KIF21A: variants seen among roughly 807,000 people sequenced by gnomAD.
KIF21A encodes the protein kinesin family member 21A.
In KIF21A, 114 loss-of-function variants were observed where a neutral mutation model predicts 202.9. That is an observed-to-expected ratio of 0.56 (90% CI 0.48 to 0.66). KIF21A has a LOEUF of 0.66. Among genes scored for constraint, KIF21A ranks in the 30% least tolerant of loss-of-function variants. KIF21A has a pLI of 0.00. For missense variants in KIF21A, 1,677 were observed against 1,994.9 expected (o/e 0.84, Z 3.04); for synonymous variants, 667 against 670.8 (o/e 0.99, Z 0.09).
chr12:39,415,475 C>G (rs1051773110), intron 1 of KIF21A, among the ~76,000 whole-genome samples: 4 of 152,042 alleles, frequency 2.6e-5, no homozygotes, highest in Admixed American at 6.5e-5. Context: ...CTCCTCAACT[C>G]GTGATCTGCC....
In KIF21A at chr12:39,367,893, G is replaced by A; in HGVS notation, c.590C>T (p.Thr197Ile). ...TAATATAAATATTACCTCTGATTCT[G>A]TATTCACAGTACGTGTTGTAACGCC... ...TVGVTTRTVN[T>I]ESEMMQCLKL... Residue 197 changes from threonine (T) to isoleucine (I), a missense_variant, in exon 4 of 38, where the codon ACA (threonine) becomes ATA (isoleucine). Transcript: ENST00000361418. 1 of 1,607,436 alleles carries A rather than the reference G, an allele frequency of 6.2e-7. No homozygotes were observed. The highest frequency in any genetic ancestry group is 8.5e-7 in the Non-Finnish European group (1 of 1,174,540).
chr12:39,373,803 C>T (rs913708646), intron 1 of KIF21A, among the ~76,000 whole-genome samples: 9 of 152,218 alleles, frequency 5.9e-5, no homozygotes, highest in Non-Finnish European at 1.3e-4. Flanking sequence ...TTAACCTCTA[C>T]TCATCTGGTT....
chr12:39,326,390 C>T, intron 24 of KIF21A, 66 bp from the exon 25 acceptor site: 1 of 1,080,028 alleles, frequency 9.3e-7, no homozygotes, highest in Non-Finnish European at 1.4e-6. Context: ...GACTGCAATC[C>T]ATAGGCTGTA....
At chr12:39,402,120 T>C (rs1486155999) in intron 1 of KIF21A, among the ~76,000 whole-genome samples, 1 of 152,190 alleles carries the variant, frequency 6.6e-6, no homozygotes, top group African/African-American at 2.4e-5. Context: ...ATAATCTGGC[T>C]CTAAGATAAA....
At chr12:39,421,727 A>G (rs1267634393) in intron 1 of KIF21A, among the ~76,000 whole-genome samples, 1 of 130,874 alleles carries the variant, frequency 7.6e-6, no homozygotes, top group South Asian at 2.3e-4. Context: ...TATAATTTAT[A>G]TATATATATA....
chr12:39,330,901 G>A lies in KIF21A; in HGVS notation c.3164C>T (p.Ala1055Val), dbSNP rs773694301. 8 of 1,613,908 alleles carry A rather than the reference G, an allele frequency of 5.0e-6. No homozygotes were observed. The highest frequency in any genetic ancestry group is 5.9e-6 in the Non-Finnish European group (7 of 1,179,864). Reference sequence around the variant, plus strand: ...TTTAATTTGAGCCTCTTTCTGGGCAGCCTGAAGACCCTGAAACACAACAAA... The same window carrying A: ...TTTAATTTGAGCCTCTTTCTGGGCAACCTGAAGACCCTGAAACACAACAAA... The part of the protein sequence containing the change: ...LSMGINKGLQ[A>V]AQKEAQIKVL... The change falls in exon 23 of 38, where the codon GCT (alanine) becomes GTT (valine). Residue 1055 changes from alanine (A) to valine (V), a missense_variant. Physicochemically the swap from Ala to Val is moderately conservative, Grantham distance 64. Around this residue, in one of 3 missense-constraint regions of KIF21A, gnomAD observed 705 missense variants for 791.9 expected, o/e 0.89. Coordinates refer to ENST00000361418, the MANE Select transcript of KIF21A (RefSeq NM_001173464.2).
intron 25 of KIF21A, 137 bp downstream of exon 25, chr12:39,326,127 T>G: frequency 1.3e-6 from 1 of 757,150 alleles, no homozygotes; most frequent in Non-Finnish European, 2.3e-6. Flanking sequence ...TTGGTTTCTA[T>G]TTACTGTTTC....
At chr12:39,315,346 A>T (rs1944418710) in intron 30 of KIF21A, 106 bp from the exon 31 acceptor site, 2 of 998,326 alleles carry the variant, frequency 2.0e-6, no homozygotes, top group Non-Finnish European at 3.1e-6. Context: ...AGAAAGAGAA[A>T]GAGAAGTTAA....
At chr12:39,309,437 C>T (rs1943794060) in intron 33 of KIF21A, 149 bp downstream of exon 33, 2 of 607,386 alleles carry the variant, frequency 3.3e-6, no homozygotes, top group Non-Finnish European at 5.6e-6. Flanking sequence ...CTGTGCTTTT[C>T]TTTGTGAACA....
chr12:39,430,566 C>CA (rs1240837715), intron 1 of KIF21A, among the ~76,000 whole-genome samples: 4,351 of 122,962 alleles, frequency 0.035, 213 homozygotes, highest in African/African-American at 0.12. Flanking sequence ...GACTTCGTCT[C>CA]AAAAAAAAAA....
intron 26 of KIF21A, among the ~76,000 whole-genome samples, chr12:39,325,504 T>TA (rs1161974400): frequency 4.2e-4 from 62 of 148,068 alleles, no homozygotes; most frequent in African/African-American, 1.5e-3. Context: ...GCTAATTTTT[T>TA]TTTTTTTTTT....
chr12:39,369,075 C>T (rs1215626113), intron 3 of KIF21A, among the ~76,000 whole-genome samples: 1 of 152,210 alleles, frequency 6.6e-6, no homozygotes, highest in African/African-American at 2.4e-5. Context: ...CCTATTATTT[C>T]TCACATACTT....
intron 26 of KIF21A, among the ~76,000 whole-genome samples, chr12:39,325,169 G>A (rs1945724721): frequency 6.6e-6 from 1 of 152,082 alleles, no homozygotes; most frequent in African/African-American, 2.4e-5. Context: ...ACACTAGAAT[G>A]CTAAAATTTT....
At chr12:39,390,611 T>C (rs897122598) in intron 1 of KIF21A, among the ~76,000 whole-genome samples, 2 of 152,132 alleles carry the variant, frequency 1.3e-5, no homozygotes, top group African/African-American at 2.4e-5. Context: ...GAGTATTCTA[T>C]ATAAAGTCAT....
At chr12:39,408,010 G>A (rs1266639858) in intron 1 of KIF21A, among the ~76,000 whole-genome samples, 2 of 151,332 alleles carry the variant, frequency 1.3e-5, no homozygotes, top group Non-Finnish European at 2.9e-5. Context: ...ACAGATAATG[G>A]AAAAAAAATC....
chr12:39,396,653 A>AT (rs1951780749), intron 1 of KIF21A, among the ~76,000 whole-genome samples: 1 of 152,224 alleles, frequency 6.6e-6, no homozygotes, highest in Non-Finnish European at 1.5e-5. Flanking sequence ...TAACTCCCTC[A>AT]TTTTATAGAG....
In KIF21A at chr12:39,356,843, G is replaced by T. The variant is rs200512673; in HGVS notation, c.1458C>A (p.Ile486=). ...SNMIHSYIKE[I]EDLRAKLLES... ...AACATGAACTATACCTGAGATCTTC[G>T]ATTTCTTTTATATAACTATGAATCA... The change falls in exon 10 of 38, where the codon ATC becomes ATA. Residue 486 remains isoleucine (I), a synonymous_variant. Coordinates refer to ENST00000361418, the MANE Select transcript of KIF21A (RefSeq NM_001173464.2). 3.1e-5 allele frequency: 38 copies of T among 1,216,526 alleles called. No individual in the cohort carries two copies. The East Asian group carries it at 7.5e-4, about 24-fold the overall frequency. The allele number at this position is 1,216,526 out of a possible 1,614,324, so 75.4% of individuals were successfully genotyped here. A position where few individuals can be genotyped will look rare whatever the true frequency, so the allele number is the denominator to read the frequency against.
At chr12:39,323,277 T>C (rs938542672) in intron 26 of KIF21A, among the ~76,000 whole-genome samples, 12 of 152,044 alleles carry the variant, frequency 7.9e-5, no homozygotes, top group African/African-American at 2.7e-4. Flanking sequence ...CAACATTTAC[T>C]GTGCTCTCCT....
At chr12:39,315,737 A>T (rs973976658) in intron 30 of KIF21A, 195 bp downstream of exon 30, 2 of 644,928 alleles carry the variant, frequency 3.1e-6, no homozygotes, top group African/African-American at 1.8e-5. Context: ...TTATACAAAA[A>T]AAACCACTAC....
Sources: allele counts gnomAD v4.1 joint callset (sites outside exome capture counted in the v4.1 genomes callset), GRCh38; gene constraint gnomAD v4.1.1; regional missense constraint gnomAD v4.1.1; transcripts MANE v1.5; gene names NCBI Gene and HGNC (gene_info 2026-07-23, HGNC 2026-07-21).